The following SLAIN2 variants were observed in gnomAD, a reference collection of about 807,000 sequenced individuals.
SLAIN2 encodes SLAIN motif-containing protein 2.
Under a neutral mutation model 56.6 loss-of-function variants are expected in SLAIN2, and 31 were observed. That is an observed-to-expected ratio of 0.55 (90% CI 0.41 to 0.74). The LOEUF (loss-of-function observed/expected upper bound fraction) is 0.74, where lower values mean the gene tolerates loss of function less well. Among genes scored for constraint, SLAIN2 ranks in the 30% least tolerant of loss-of-function variants. The pLI is 0.00. For synonymous variants in SLAIN2, 317 were observed against 284.9 expected (o/e 1.11, Z -1.13); for missense variants, 777 against 754.2 (o/e 1.03, Z -0.35).
chr4:48,360,308 T>C (rs1715288736), intron 1 of SLAIN2, among the ~76,000 whole-genome samples: 1 of 152,066 alleles, frequency 6.6e-6, no homozygotes, highest in African/African-American at 2.4e-5. Flanking sequence ...AAGTGTACTG[T>C]GGGCTGGGCA....
intron 6 of SLAIN2, among the ~76,000 whole-genome samples, chr4:48,388,019 G>T (rs2109767139): frequency 6.6e-6 from 1 of 152,082 alleles, no homozygotes; most frequent in Middle Eastern, 3.4e-3. Context: ...GTTCTTACTT[G>T]CTGGTCTGCA....
chr4:48,421,814 C>G (rs1717162911), intron 7 of SLAIN2, among the ~76,000 whole-genome samples, 197 bp from the exon 8 acceptor site: 1 of 151,484 alleles, frequency 6.6e-6, no homozygotes, highest in African/African-American at 2.4e-5. Flanking sequence ...TCATCTGGTG[C>G]CCAGTAAAAC....
chr4:48,422,155 G>C lies in SLAIN2; in HGVS notation c.*78G>C, dbSNP rs185822384. 50 of 1,060,116 alleles carry C rather than the reference G, an allele frequency of 4.7e-5. No individual in the cohort carries two copies. The highest frequency in any genetic ancestry group is 1.1e-4 in the African/African-American group (7 of 63,674). 65.7% of individuals were successfully genotyped at this position (1,060,116 alleles called of 1,614,324 possible). A position where few individuals can be genotyped will look rare whatever the true frequency, so the allele number is the denominator to read the frequency against. On this transcript the variant is annotated 3_prime_UTR_variant, in exon 8 of 8. Coordinates refer to ENST00000264313, the MANE Select transcript of SLAIN2 (RefSeq NM_020846.2). ...GGCTAAAAAACAACTTTTATATGCA[G>C]ACTGTTCAGATAAGACTCTTGGGAT...
chr4:48,352,499 A>T (rs1378471651), intron 1 of SLAIN2, among the ~76,000 whole-genome samples: 2 of 152,190 alleles, frequency 1.3e-5, no homozygotes, highest in African/African-American at 4.8e-5. Context: ...TATTGTAAGG[A>T]TAATCCCAAA....
intron 6 of SLAIN2, among the ~76,000 whole-genome samples, chr4:48,416,651 A>C (rs1411889130): frequency 6.6e-6 from 1 of 151,762 alleles, no homozygotes; most frequent in African/African-American, 2.4e-5. Flanking sequence ...TTTTCAAACT[A>C]TCTCTCAGAC....
At chr4:48,352,925 C>G (rs1715051260) in intron 1 of SLAIN2, among the ~76,000 whole-genome samples, 1 of 152,130 alleles carries the variant, frequency 6.6e-6, no homozygotes, top group African/African-American at 2.4e-5. Context: ...ATACTGTTCT[C>G]TAGATGGTGA....
rs1453733259 is a variant in SLAIN2 at position 48,423,596 on chromosome 4, A to C, written c.*1519A>C. 1 of 152,200 alleles carries C rather than the reference A, an allele frequency of 6.6e-6. No individual in the cohort carries two copies. The highest frequency in any genetic ancestry group is 1.9e-4 in the East Asian group (1 of 5,198). 9.4% of individuals were successfully genotyped at this position (152,200 alleles called of 1,614,324 possible). ...TAGAAGGCTTGATATTCTGGACAGC[A>C]TTAAGGTTGATAGGTTGATGATAAA... is the stretch of plus-strand genomic sequence containing the variant. On this transcript the variant is annotated 3_prime_UTR_variant, in exon 8 of 8. Coordinates refer to ENST00000264313, the MANE Select transcript of SLAIN2 (RefSeq NM_020846.2).
chr4:48,412,628 A>G (rs1716892316), intron 6 of SLAIN2, among the ~76,000 whole-genome samples: 1 of 152,228 alleles, frequency 6.6e-6, no homozygotes, highest in African/African-American at 2.4e-5. Flanking sequence ...CTGGTAGCTT[A>G]TGCATTCATA....
chr4:48,350,144 T>A (rs1714973298), intron 1 of SLAIN2, among the ~76,000 whole-genome samples: 1 of 152,154 alleles, frequency 6.6e-6, no homozygotes, highest in Non-Finnish European at 1.5e-5. Flanking sequence ...ACAACTTTGG[T>A]TTTTAGGAAT....
chr4:48,382,106 T>G (rs1180292383), intron 4 of SLAIN2, among the ~76,000 whole-genome samples: 1 of 152,220 alleles, frequency 6.6e-6, no homozygotes, highest in Non-Finnish European at 1.5e-5. Flanking sequence ...GAAGTTTCTT[T>G]GGTACTTTAT....
rs1164090141 is a variant in SLAIN2 at position 48,380,920 on chromosome 4, A to G, written c.862+1072A>G. On this transcript the variant is annotated intron_variant, in intron 4 of 7. Coordinates refer to ENST00000264313, the MANE Select transcript of SLAIN2 (RefSeq NM_020846.2). Reference sequence around the variant, plus strand: ...AAAGTGTTTCTTATTCTGCTGATTCACTTCCCATTTCCATATAGCTTCCCC... The same window carrying G: ...AAAGTGTTTCTTATTCTGCTGATTCGCTTCCCATTTCCATATAGCTTCCCC... Among the ~76,000 whole-genome samples, 6 of 152,250 alleles carry G rather than the reference A, an allele frequency of 3.9e-5. No individual in the cohort carries two copies. In the East Asian group the frequency reaches 1.2e-3, roughly 29 times the overall value.
intron 1 of SLAIN2, among the ~76,000 whole-genome samples, chr4:48,358,152 G>A (rs1715211702): frequency 6.6e-6 from 1 of 152,076 alleles, no homozygotes; most frequent in Non-Finnish European, 1.5e-5. Flanking sequence ...TACCTCACTT[G>A]TCTCAGTGAC....
intron 1 of SLAIN2, among the ~76,000 whole-genome samples, chr4:48,350,561 G>A (rs775624071): frequency 5.3e-4 from 81 of 152,084 alleles, no homozygotes; most frequent in Non-Finnish European, 1.0e-3. Flanking sequence ...CTCCTGTTGG[G>A]CTAATTTTCA....
intron 6 of SLAIN2, among the ~76,000 whole-genome samples, chr4:48,417,849 T>TA (rs1560467043): frequency 9.9e-5 from 15 of 152,080 alleles, no homozygotes; most frequent in Non-Finnish European, 1.8e-4. Flanking sequence ...TGGGATGTAT[T>TA]TCAAAATAAT....
rs1717121482 is a variant in SLAIN2, at chr4:48,420,547, G to A, written c.1679+104G>A. ...TGTTTGATAGTAAACAGAAAGTCAT[G>A]GTGGATTCCCACCAGAGTTTTAGTA... On this transcript the variant is annotated intron_variant, in intron 7 of 7. Coordinates refer to ENST00000264313, the MANE Select transcript of SLAIN2 (RefSeq NM_020846.2). 3.1e-6 allele frequency: 4 copies of A among 1,301,724 alleles called. No homozygotes were observed. In the East Asian group the frequency reaches 9.4e-5, roughly 31 times the overall value. The allele number at this position is 1,301,724 out of a possible 1,614,324, so 80.6% of individuals were successfully genotyped here.
chr4:48,395,139 A>T lies in SLAIN2; in HGVS notation c.1360+11355A>T, dbSNP rs59349140. ...TTTATGGAGTGGTAGCTTTCATAAT[A>T]ATAGTTGAAGAAATATATGAAGGTC... On this transcript the variant is annotated intron_variant, in intron 6 of 7. Transcript: ENST00000264313. Among the ~76,000 whole-genome samples the T allele has an allele frequency of 1.7e-3, 258 of 152,308 alleles. 1 individual carries two copies. Among genetic ancestry groups the T allele is most frequent in the African/African-American group, 6.0e-3 (248 of 41,582 alleles).
chr4:48,383,607 G>A (rs1716026624), intron 5 of SLAIN2, 40 bp from the exon 6 acceptor site: 1 of 1,452,968 alleles, frequency 6.9e-7, no homozygotes, highest in South Asian at 1.5e-5. Context: ...TTCTCCATCT[G>A]AAAGAATATG....
chr4:48,375,182 A>G (rs1715776797), intron 2 of SLAIN2, among the ~76,000 whole-genome samples: 1 of 152,070 alleles, frequency 6.6e-6, no homozygotes, highest in South Asian at 2.1e-4. Flanking sequence ...AAGAGAATAA[A>G]CTCCAGAGGA....
intron 1 of SLAIN2, among the ~76,000 whole-genome samples, chr4:48,346,603 G>A (rs1714874239): frequency 6.6e-6 from 1 of 152,100 alleles, no homozygotes; most frequent in Non-Finnish European, 1.5e-5. Context: ...GGTAAAAGTT[G>A]CCTGTAATTT....
Sources: allele counts gnomAD v4.1 joint callset (sites outside exome capture counted in the v4.1 genomes callset), GRCh38; gene constraint gnomAD v4.1.1; transcripts MANE v1.5; gene names NCBI Gene and HGNC (gene_info 2026-07-23, HGNC 2026-07-21).